Variants in MMP9 observed in about 807,000 individuals in gnomAD.
MMP9 encodes matrix metallopeptidase 9, also known as matrix metalloproteinase-9.
MMP9 carries 73 observed loss-of-function variants against 76.4 expected under a neutral mutation model. That is an observed-to-expected ratio of 0.96 (90% confidence interval 0.79 to 1.16). The LOEUF (loss-of-function observed/expected upper bound fraction) is 1.16. Among genes scored for constraint, MMP9 ranks in the 50% most tolerant of loss-of-function variants. The probability of loss-of-function intolerance (pLI) is 0.00; values close to 1 mark genes in which losing one functional copy is unlikely to be tolerated. For synonymous variants in MMP9, 412 were observed against 408.4 expected (o/e 1.01, Z -0.11); for missense variants, 943 against 973.0 (o/e 0.97, Z 0.41).
At position 46,010,528 on chromosome 20, in the gene MMP9, C is replaced by T. The variant is rs1568846768; in HGVS notation, c.417C>T (p.Asp139=). ...SEDLPRAVID[D]AFARAFALWS... Reference sequence around the variant, plus strand: ...ACTTGCCGCGGGCGGTGATTGACGACGCCTTTGCCCGCGCCTTCGCACTGT... The same window carrying T: ...ACTTGCCGCGGGCGGTGATTGACGATGCCTTTGCCCGCGCCTTCGCACTGT... Residue 139 remains aspartate, a synonymous_variant, in exon 3 of 13, where the codon GAC becomes GAT. Transcript: ENST00000372330. 1.2e-6 allele frequency: 2 copies of T among 1,614,222 alleles called. No homozygotes were observed. The highest frequency in any genetic ancestry group is 1.7e-6 in the Non-Finnish European group (2 of 1,180,048).
chr20:46,012,072 G>T, intron 6 of MMP9, 65 bp from the exon 7 acceptor site: 1 of 1,589,088 alleles, frequency 6.3e-7, no homozygotes, highest in African/African-American at 1.3e-5. Context: ...CTCCCTGTCG[G>T]GTCGGCCCCT....
chr20:46,011,706 A>G lies in MMP9; in HGVS notation c.956A>G (p.Asn319Ser), dbSNP rs1284222372. The part of the protein sequence containing the change: ...DGYRWCATTA[N>S]YDRDKLFGFC... ...TACCGCTGGTGCGCCACCACCGCCA[A>G]CTACGACCGGGACAAGCTCTTCGGC... The change falls in exon 6 of 13, where the codon AAC (asparagine) becomes AGC (serine). Residue 319 changes from asparagine to serine, a missense_variant. Coordinates refer to ENST00000372330, the MANE Select transcript of MMP9 (RefSeq NM_004994.3). 6.2e-7 allele frequency: 1 copy of G among 1,613,844 alleles called. No homozygotes were observed. Among genetic ancestry groups the G allele is most frequent in the South Asian group, 1.1e-5 (1 of 91,086 alleles).
chr20:46,016,099 C>T, intron 12 of MMP9, 151 bp from the exon 13 acceptor site: 1 of 788,420 alleles, frequency 1.3e-6, no homozygotes. Flanking sequence ...AACCTCACAG[C>T]ATCTCACAGG....
intron 1 of MMP9, 139 bp downstream of exon 1, chr20:46,009,203 C>T (rs2084260768): frequency 1.6e-5 from 16 of 979,636 alleles, no homozygotes; most frequent in Non-Finnish European, 2.3e-5. Flanking sequence ...CAGAGGTGTC[C>T]AGGGTTAGGC....
Position 46,012,448 on chromosome 20 carries a change from C to A in MMP9, c.1196C>A (p.Ala399Glu). The A allele has an allele frequency of 1.9e-6, 3 of 1,614,144 alleles. No homozygotes were observed. Among genetic ancestry groups the A allele is most frequent in the Non-Finnish European group, 2.5e-6 (3 of 1,180,018 alleles). The stretch of plus-strand genomic sequence containing the variant: ...CCAGGATACAGTTTGTTCCTCGTGG[C>A]GGCGCATGAGTTCGGCCACGCGCTG... The part of the protein sequence containing the change: ...PDQGYSLFLV[A>E]AHEFGHALGL... Residue 399 changes from alanine (A) to glutamate (E), a missense_variant, in exon 8 of 13, where the codon GCG becomes GAG. Transcript: ENST00000372330.
intron 4 of MMP9, 41 bp downstream of exon 4, chr20:46,011,091 C>G (rs770914106): frequency 9.3e-6 from 15 of 1,613,838 alleles, no homozygotes; most frequent in Non-Finnish European, 1.3e-5. Flanking sequence ...TCCCTTCATT[C>G]TCTCCCACTC....
chr20:46,014,043 C>T lies in MMP9; in HGVS notation c.1751-81C>T. 3.3e-6 allele frequency: 5 copies of T among 1,524,166 alleles called. No individual in the cohort carries two copies. The South Asian group carries it at 4.8e-5, about 15-fold the overall frequency. 94.4% of individuals were successfully genotyped at this position (1,524,166 alleles called of 1,614,324 possible). ...CGGGCACGCGGGCTAGGAAAGGCCT[C>T]GCCGGAATCTCCCTCCTCGCGTTCT... On this transcript the variant is annotated intron_variant, in intron 10 of 12. Coordinates refer to ENST00000372330, the MANE Select transcript of MMP9 (RefSeq NM_004994.3).
In MMP9 at chr20:46,012,212, A is replaced by G. The variant is rs764667806; in HGVS notation, c.1073A>G (p.Tyr358Cys). The G allele has an allele frequency of 6.2e-7, 1 of 1,614,130 alleles. No individual in the cohort carries two copies. The highest frequency in any genetic ancestry group is 8.5e-7 in the Non-Finnish European group (1 of 1,180,034). Residue 358 changes from tyrosine (Y) to cysteine (C), a missense_variant, in exon 7 of 13, where the codon TAC becomes TGC. Tyr to Cys is a radical substitution (Grantham distance 194). Coordinates refer to ENST00000372330, the MANE Select transcript of MMP9 (RefSeq NM_004994.3). ...CCCTTCACTTTCCTGGGTAAGGAGT[A>G]CTCGACCTGTACCAGCGAGGGCCGC... Reference protein sequence around the residue: ...VFPFTFLGKEYSTCTSEGRGD... With the variant: ...VFPFTFLGKECSTCTSEGRGD...
chr20:46,010,689 C>T (rs1472258739), intron 3 of MMP9, 58 bp downstream of exon 3: 1 of 1,573,616 alleles, frequency 6.4e-7, no homozygotes, highest in Non-Finnish European at 8.6e-7. Context: ...GAAGGGAGGA[C>T]CACGGAGAGC....
In MMP9 at chr20:46,016,365, C is replaced by G; in HGVS notation, c.2121C>G (p.Asp707Glu). The change falls in exon 13 of 13, where the codon GAC (aspartate) becomes GAG (glutamate). Residue 707 changes from aspartate to glutamate, a missense_variant. By Grantham distance (45) the Asp-to-Glu change is conservative. Coordinates refer to ENST00000372330, the MANE Select transcript of MMP9 (RefSeq NM_004994.3). Reference sequence around the variant, plus strand: ...ATGACATCCTGCAGTGCCCTGAGGACTAGGGCTCCCGTCCTGCTTTGGCAG... The same window carrying G: ...ATGACATCCTGCAGTGCCCTGAGGAGTAGGGCTCCCGTCCTGCTTTGGCAG... The part of the protein sequence containing the change: ...VTYDILQCPE[D>E] 6.2e-7 allele frequency: 1 copy of G among 1,612,408 alleles called. No homozygotes were observed. The highest frequency in any genetic ancestry group is 1.3e-5 in the African/African-American group (1 of 74,982).
Position 46,011,025 on chromosome 20 carries a change from G to T in MMP9, c.624G>T (p.Glu208Asp). Residue 208 changes from glutamate to aspartate, a missense_variant, in exon 4 of 13, where the codon GAG becomes GAT. Glu to Asp is a conservative substitution (Grantham distance 45). Transcript: ENST00000372330. ...GAGACGCCCATTTCGACGATGACGA[G>T]TTGTGGTCCCTGGGCAAGGGCGTCG... ...IQGDAHFDDD[E>D]LWSLGKGVVV... 6.2e-7 allele frequency: 1 copy of T among 1,610,518 alleles called. No individual in the cohort carries two copies. The highest frequency in any genetic ancestry group is 1.3e-5 in the African/African-American group (1 of 74,926).
In MMP9 at chr20:46,014,368, C is replaced by T; in HGVS notation, c.1902-3C>T. 1 of 1,547,444 alleles carries T rather than the reference C, an allele frequency of 6.5e-7. No individual in the cohort carries two copies. The highest frequency in any genetic ancestry group is 1.2e-5 in the South Asian group (1 of 84,062). On this transcript the variant is annotated splice_region_variant and splice_polypyrimidine_tract_variant and intron_variant, in intron 11 of 12. Transcript: ENST00000372330. Reference sequence around the variant, plus strand: ...CACCTGTCTCCTCCGCGCCTGCCCGCAGGTTCGACGTGAAGGCGCAGATGG... The same window carrying T: ...CACCTGTCTCCTCCGCGCCTGCCCGTAGGTTCGACGTGAAGGCGCAGATGG...
At position 46,010,902 on chromosome 20, in the gene MMP9, C is replaced by G. The variant is rs749144962; in HGVS notation, c.521-20C>G. On this transcript the variant is annotated intron_variant, in intron 3 of 12. Coordinates refer to ENST00000372330, the MANE Select transcript of MMP9 (RefSeq NM_004994.3). ...CAGCAGTACTCGGCTAACCCTCTTCCTCTCGACCTGTTTCTTCAGAGCACG... is the reference window on the plus strand; with the variant it reads ...CAGCAGTACTCGGCTAACCCTCTTCGTCTCGACCTGTTTCTTCAGAGCACG... 3.7e-6 allele frequency: 6 copies of G among 1,614,232 alleles called. No homozygotes were observed. The highest frequency in any genetic ancestry group is 1.1e-5 in the South Asian group (1 of 91,086).
At position 46,009,927 on chromosome 20, in the gene MMP9, T is replaced by C. The variant is rs1232902097; in HGVS notation, c.200T>C (p.Leu67Pro). 2 of 1,552,266 alleles carry C rather than the reference T, an allele frequency of 1.3e-6. No homozygotes were observed. The highest frequency in any genetic ancestry group is 3.9e-5 in the Admixed American group (2 of 51,106). ...VAEMRGESKS[L>P]GPALLLLQKQ... is the part of the protein sequence containing the mutation. ...GAGATGCGTGGAGAGTCGAAATCTC[T>C]GGGGCCTGCGCTGCTGCTTCTCCAG... The change falls in exon 2 of 13, where the codon CTG becomes CCG. Residue 67 changes from leucine (L) to proline (P), a missense_variant. Coordinates refer to ENST00000372330, the MANE Select transcript of MMP9 (RefSeq NM_004994.3).
At chr20:46,010,693 G>T in intron 3 of MMP9, 62 bp downstream of exon 3, 1 of 1,568,054 alleles carries the variant, frequency 6.4e-7, no homozygotes. Context: ...GGAGGACCAC[G>T]GAGAGCGTGG....
chr20:46,010,268 G>T (rs895567171), intron 2 of MMP9, among the ~76,000 whole-genome samples, 170 bp downstream of exon 2: 2 of 136,404 alleles, frequency 1.5e-5, no homozygotes, highest in Non-Finnish European at 3.1e-5. Context: ...TCAGGGAAAT[G>T]GCTCTTGCAA....
chr20:46,013,312 C>T lies in MMP9; in HGVS notation c.1388C>T (p.Ala463Val). ...ACCACCACCACACCGCAGCCCACGGCTCCCCCGACGGTCTGCCCCACCGGA... is the reference window on the plus strand; with the variant it reads ...ACCACCACCACACCGCAGCCCACGGTTCCCCCGACGGTCTGCCCCACCGGA... The part of the protein sequence containing the change: ...PPTTTTPQPT[A>V]PPTVCPTGPP... Residue 463 changes from alanine (A) to valine (V), a missense_variant, in exon 9 of 13, where the codon GCT (alanine) becomes GTT (valine). Transcript: ENST00000372330. The surrounding 1 kb of genome is among the most constrained non-coding windows in gnomAD (Gnocchi z 4.5). 1.9e-6 allele frequency: 3 copies of T among 1,613,870 alleles called. No individual in the cohort carries two copies. Among genetic ancestry groups the T allele is most frequent in the Non-Finnish European group, 2.5e-6 (3 of 1,179,964 alleles).
intron 12 of MMP9, among the ~76,000 whole-genome samples, chr20:46,015,532 C>G (rs538656710): frequency 6.8e-6 from 1 of 148,120 alleles, no homozygotes; most frequent in African/African-American, 2.5e-5. Context: ...CTCACTGCAA[C>G]CTCCGCCTCC....
At position 46,010,329 on chromosome 20, in the gene MMP9, A is replaced by C. The variant is rs865882918; in HGVS notation, c.372-154A>C. Among the ~76,000 whole-genome samples the C allele has an allele frequency of 1.6e-3, 224 of 143,826 alleles. 5 individuals are homozygous for C. The highest frequency in any genetic ancestry group is 5.3e-3 in the African/African-American group (208 of 38,922). The allele number at this position is 143,826 out of a possible 152,430, so 94.4% of individuals were successfully genotyped here. ...GTGAGGGTCTAAGTAGACAAAAAAAAAAAAAAAAAAAACAGTCTGGAAGCA... is the reference window on the plus strand; with the variant it reads ...GTGAGGGTCTAAGTAGACAAAAAAACAAAAAAAAAAAACAGTCTGGAAGCA... On this transcript the variant is annotated intron_variant, in intron 2 of 12. Transcript: ENST00000372330.
Sources: gnomAD v4.1 joint callset for allele counts (sites outside exome capture counted in the v4.1 genomes callset) on GRCh38, gnomAD v4.1.1 for gene constraint, Gnocchi (gnomAD v3.1) non-coding constraint, MANE v1.5 for transcripts, NCBI Gene and HGNC (gene_info 2026-07-23, HGNC 2026-07-21) for gene names.